Variants in GRM5 observed in about 807,000 individuals in gnomAD.
The protein encoded by GRM5 is metabotropic glutamate receptor 5.
A neutral mutation model predicts 83.1 loss-of-function variants in GRM5; 19 were observed. The ratio of observed to expected loss-of-function variants is 0.23; its 90% CI spans 0.16 to 0.34. GRM5 has a LOEUF of 0.34. Ranked by LOEUF, GRM5 falls within the 10% of genes least tolerant of loss-of-function variation. The pLI is 1.00. For synonymous variants in GRM5, 675 were observed against 633.6 expected, an observed-to-expected ratio of 1.07 and a Z score of -0.98; for missense variants, 1,160 against 1,588.3, an observed-to-expected ratio of 0.73 and a Z score of 4.58.
At chr11:89,041,303 C>T (rs1045922332) in intron 2 of GRM5, among the ~76,000 whole-genome samples, 3 of 152,152 alleles carry the variant, frequency 2.0e-5, no homozygotes, top group Admixed American at 6.5e-5. Context: ...CAGTGAAATC[C>T]GCTGAAAACA....
intron 3 of GRM5, among the ~76,000 whole-genome samples, chr11:88,684,487 T>A (rs1940570739): frequency 6.6e-6 from 1 of 152,138 alleles, no homozygotes; most frequent in Non-Finnish European, 1.5e-5. Context: ...TAATTTGCTG[T>A]TGGATTGGAT....
intron 4 of GRM5, among the ~76,000 whole-genome samples, chr11:88,637,842 A>T (rs58333096): frequency 6.7e-6 from 1 of 149,468 alleles, no homozygotes. Flanking sequence ...GCTGCTATAA[A>T]GACACATGCA....
At chr11:88,707,036 C>T (rs1264814171) in intron 3 of GRM5, among the ~76,000 whole-genome samples, 1 of 152,022 alleles carries the variant, frequency 6.6e-6, no homozygotes, top group Non-Finnish European at 1.5e-5. Flanking sequence ...AGGAATGATT[C>T]TGCATCGCTC....
chr11:89,014,631 T>C (rs918152915), intron 2 of GRM5, among the ~76,000 whole-genome samples: 3 of 152,160 alleles, frequency 2.0e-5, no homozygotes, highest in East Asian at 1.9e-4. Flanking sequence ...AGGGTGACTA[T>C]AGTCAAGAAT....
intron 3 of GRM5, among the ~76,000 whole-genome samples, chr11:88,739,786 T>A (rs187607772): frequency 7.2e-5 from 11 of 152,088 alleles, no homozygotes; most frequent in Admixed American, 7.2e-4. Context: ...CATGTGGAAC[T>A]GTGGGTCAAT....
chr11:88,618,838 C>A (rs547511108), intron 4 of GRM5, among the ~76,000 whole-genome samples: 248 of 152,220 alleles, frequency 1.6e-3, no homozygotes, highest in African/African-American at 5.7e-3. Context: ...CTTTGTTCAA[C>A]GATTATTTTT....
chr11:88,723,220 T>C (rs1298080941), intron 3 of GRM5, among the ~76,000 whole-genome samples: 2 of 151,944 alleles, frequency 1.3e-5, no homozygotes, highest in African/African-American at 4.8e-5. Context: ...GCTCATTTCT[T>C]TTCATCACTG....
intron 7 of GRM5, among the ~76,000 whole-genome samples, chr11:88,571,552 T>A (rs960262440): frequency 1.3e-5 from 2 of 152,200 alleles, no homozygotes; most frequent in Non-Finnish European, 2.9e-5. Flanking sequence ...TTGGGAAGCC[T>A]ACAAAACTGT....
chr11:88,574,267 G>T (rs902458941), intron 7 of GRM5, among the ~76,000 whole-genome samples: 2 of 152,098 alleles, frequency 1.3e-5, no homozygotes, highest in African/African-American at 4.8e-5. Context: ...TAATTCTAGT[G>T]CATGGATAAG....
chr11:89,034,702 T>C (rs1941342398), intron 2 of GRM5, among the ~76,000 whole-genome samples: 2 of 151,970 alleles, frequency 1.3e-5, no homozygotes, highest in African/African-American at 2.4e-5. Context: ...TTTCATGGAC[T>C]ATATATTTGC....
At chr11:88,593,187 T>C (rs906370252) in intron 6 of GRM5, among the ~76,000 whole-genome samples, 2 of 152,174 alleles carry the variant, frequency 1.3e-5, no homozygotes, top group African/African-American at 2.4e-5. Context: ...AATCCTTTCA[T>C]GGAAACTAAG....
At chr11:88,649,202 CTATACACA>C (rs1203907826) in intron 4 of GRM5, among the ~76,000 whole-genome samples, 2 of 136,828 alleles carry the variant, frequency 1.5e-5, no homozygotes, top group Admixed American at 7.7e-5. Context: ...TATATAATAT[CTATACACA>C]TATACACATA....
At chr11:88,851,410 A>G (rs553317472) in intron 2 of GRM5, among the ~76,000 whole-genome samples, 1 of 152,318 alleles carries the variant, frequency 6.6e-6, no homozygotes, top group South Asian at 2.1e-4. Context: ...TATCAAATTA[A>G]TAAGGAGCAC....
intron 3 of GRM5, among the ~76,000 whole-genome samples, chr11:88,684,985 G>A (rs1254499668): frequency 6.6e-6 from 1 of 152,200 alleles, no homozygotes; most frequent in African/African-American, 2.4e-5. Context: ...GGTACCAAGA[G>A]TGGGATGTTA....
intron 2 of GRM5, among the ~76,000 whole-genome samples, chr11:88,886,568 C>G (rs1945047346): frequency 6.6e-6 from 1 of 152,218 alleles, no homozygotes; most frequent in East Asian, 1.9e-4. Flanking sequence ...CTGTTTGAAC[C>G]AGCTTCCTTT....
At chr11:88,524,473 C>T (rs1314713015) in intron 9 of GRM5, among the ~76,000 whole-genome samples, 1 of 152,176 alleles carries the variant, frequency 6.6e-6, no homozygotes, top group Non-Finnish European at 1.5e-5. Context: ...CCGCCTTGGC[C>T]TCCCAAAGTG....
chr11:88,540,131 C>T (rs1280945338), intron 8 of GRM5, among the ~76,000 whole-genome samples: 1 of 152,160 alleles, frequency 6.6e-6, no homozygotes, highest in East Asian at 1.9e-4. Context: ...ACTAGCCTCC[C>T]CCTTCTATCA....
chr11:89,063,349 G>C (rs910659079), intron 1 of GRM5: 8 of 152,074 alleles, frequency 5.3e-5, no homozygotes, highest in African/African-American at 1.9e-4. Context: ...AATCTTGTCG[G>C]CTTTGGCCAC....
At chr11:88,941,692 A>T (rs1299078708) in intron 2 of GRM5, among the ~76,000 whole-genome samples, 1 of 152,060 alleles carries the variant, frequency 6.6e-6, no homozygotes, top group East Asian at 1.9e-4. Context: ...AATGTTAGGG[A>T]ACATAATATA....
Sources: gnomAD v4.1 joint callset for allele counts (sites outside exome capture counted in the v4.1 genomes callset) on GRCh38, gnomAD v4.1.1 for gene constraint, MANE v1.5 for transcripts, NCBI Gene and HGNC (gene_info 2026-07-23, HGNC 2026-07-21) for gene names.